Variants in ST6GALNAC3 observed in about 807,000 individuals in gnomAD.
The protein encoded by ST6GALNAC3 is ST6 N-acetylgalactosaminide alpha-2,6-sialyltransferase 3, also known as alpha-N-acetylgalactosaminide alpha-2,6-sialyltransferase 3.
ST6GALNAC3 carries 25 observed loss-of-function variants against 32.7 expected under a neutral mutation model. The ratio of observed to expected loss-of-function variants is 0.76; its 90% CI spans 0.56 to 1.07. The LOEUF is 1.07. ST6GALNAC3 is among the 50% of genes least tolerant of loss of function. ST6GALNAC3 has a pLI of 0.00. For synonymous variants in ST6GALNAC3, 129 were observed against 133.1 expected, an observed-to-expected ratio of 0.97 and a Z score of 0.21; for missense variants, 355 against 382.4, an observed-to-expected ratio of 0.93 and a Z score of 0.60.
intron 1 of ST6GALNAC3, among the ~76,000 whole-genome samples, chr1:76,113,112 G>C (rs1274071444): frequency 6.6e-6 from 1 of 152,142 alleles, no homozygotes; most frequent in Non-Finnish European, 1.5e-5. Context: ...GAGGCTGGCG[G>C]ATCACTCGCG....
intron 1 of ST6GALNAC3, among the ~76,000 whole-genome samples, chr1:76,267,462 G>A (rs1430889761): frequency 2.6e-5 from 4 of 152,120 alleles, no homozygotes; most frequent in African/African-American, 9.7e-5. Context: ...CCAGAACAGA[G>A]CATCTGCAAC....
At chr1:76,165,571 T>A (rs1342647392) in intron 1 of ST6GALNAC3, among the ~76,000 whole-genome samples, 1 of 152,200 alleles carries the variant, frequency 6.6e-6, no homozygotes, top group Admixed American at 6.5e-5. Context: ...GTATTTCTGT[T>A]TTTAGGTCTT....
intron 3 of ST6GALNAC3, among the ~76,000 whole-genome samples, chr1:76,616,482 T>A (rs1648299157): frequency 6.6e-6 from 1 of 152,158 alleles, no homozygotes; most frequent in Non-Finnish European, 1.5e-5. Flanking sequence ...AGCAGATAGC[T>A]CCCCATTTAG....
intron 1 of ST6GALNAC3, among the ~76,000 whole-genome samples, chr1:76,192,585 G>A (rs1653962140): frequency 6.6e-6 from 1 of 152,142 alleles, no homozygotes; most frequent in African/African-American, 2.4e-5. Flanking sequence ...CATTCCGTTG[G>A]GGCCTTGTTT....
intron 1 of ST6GALNAC3, among the ~76,000 whole-genome samples, chr1:76,128,142 A>G (rs1253917954): frequency 1.3e-5 from 2 of 152,250 alleles, no homozygotes; most frequent in Non-Finnish European, 1.5e-5. Context: ...TGCATTGCCT[A>G]TGGGCTTGGA....
chr1:76,416,788 T>C (rs567918423), intron 3 of ST6GALNAC3, among the ~76,000 whole-genome samples: 1 of 151,904 alleles, frequency 6.6e-6, no homozygotes, highest in East Asian at 2.0e-4. Context: ...CCACCATGCC[T>C]GGCTAATTTT....
chr1:76,144,719 T>C (rs1452100783), intron 1 of ST6GALNAC3, among the ~76,000 whole-genome samples: 1 of 152,236 alleles, frequency 6.6e-6, no homozygotes, highest in Non-Finnish European at 1.5e-5. Flanking sequence ...AACTAGTCTA[T>C]AGTTCCTGGT....
At chr1:76,237,254 C>T (rs1656707456) in intron 1 of ST6GALNAC3, among the ~76,000 whole-genome samples, 1 of 152,290 alleles carries the variant, frequency 6.6e-6, no homozygotes, top group South Asian at 2.1e-4. Flanking sequence ...CTGCCTCAGC[C>T]TCCCAGGTAG....
chr1:76,585,748 T>A (rs1646953456), intron 3 of ST6GALNAC3, among the ~76,000 whole-genome samples: 1 of 152,206 alleles, frequency 6.6e-6, no homozygotes, highest in South Asian at 2.1e-4. Context: ...AGCCCTTCCT[T>A]AGAAATACAT....
At chr1:76,447,061 T>G (rs982387387) in intron 3 of ST6GALNAC3, among the ~76,000 whole-genome samples, 2 of 152,088 alleles carry the variant, frequency 1.3e-5, no homozygotes, top group Non-Finnish European at 2.9e-5. Flanking sequence ...GACAGGAAAA[T>G]GTCAGAAAAT....
chr1:76,530,900 G>A (rs931745223), intron 3 of ST6GALNAC3, among the ~76,000 whole-genome samples: 6 of 152,152 alleles, frequency 3.9e-5, no homozygotes, highest in African/African-American at 1.4e-4. Context: ...AGATGGAGCT[G>A]GTCATTAATG....
chr1:76,620,746 C>T (rs1011017186), intron 3 of ST6GALNAC3, among the ~76,000 whole-genome samples: 35 of 152,184 alleles, frequency 2.3e-4, no homozygotes, highest in African/African-American at 7.0e-4. Context: ...CTGGGGACTA[C>T]GGCCTCAACA....
intron 1 of ST6GALNAC3, among the ~76,000 whole-genome samples, chr1:76,190,153 A>G (rs1331657504): frequency 1.3e-5 from 2 of 152,140 alleles, no homozygotes; most frequent in African/African-American, 4.8e-5. Flanking sequence ...CTGTAAAGTA[A>G]TTTATGGTAA....
chr1:76,634,006 G>A lies in ST6GALNAC3; in HGVS notation c.*5200G>A, dbSNP rs636038. 105,707 of 228,214 alleles carry A rather than the reference G, an allele frequency of 0.46. 25,052 individuals are homozygous for A. The highest frequency in any genetic ancestry group is 0.62 in the African/African-American group (26,495 of 42,718). 14.1% of individuals were successfully genotyped at this position (228,214 alleles called of 1,614,324 possible). A position where few individuals can be genotyped will look rare whatever the true frequency, so the allele number is the denominator to read the frequency against. ...CATCGAATCAGAACTGTCCTTGGGC[G>A]TTGTAACAGTGCAGAAAATCTCATT... On this transcript the variant is annotated 3_prime_UTR_variant, in exon 5 of 5. Coordinates refer to ENST00000328299, the MANE Select transcript of ST6GALNAC3 (RefSeq NM_152996.4).
intron 1 of ST6GALNAC3, among the ~76,000 whole-genome samples, chr1:76,296,481 CTCT>C (rs1019727214): frequency 2.2e-4 from 34 of 152,092 alleles, no homozygotes; most frequent in African/African-American, 6.3e-4. Context: ...ATCGACCCTT[CTCT>C]TCTTCTATTC....
intron 3 of ST6GALNAC3, among the ~76,000 whole-genome samples, chr1:76,606,377 A>G (rs1380579390): frequency 2.6e-5 from 4 of 152,216 alleles, no homozygotes; most frequent in Admixed American, 6.5e-5. Flanking sequence ...ATGGAATAGT[A>G]TGAAGCCATA....
At chr1:76,503,220 A>C (rs533226942) in intron 3 of ST6GALNAC3, among the ~76,000 whole-genome samples, 169 of 152,350 alleles carry the variant, frequency 1.1e-3, no homozygotes, top group African/African-American at 3.9e-3. Flanking sequence ...CACCTCTCTC[A>C]GAGCTCACTC....
chr1:76,452,561 T>C (rs1440361733), intron 3 of ST6GALNAC3, among the ~76,000 whole-genome samples: 1 of 146,796 alleles, frequency 6.8e-6, no homozygotes, highest in Non-Finnish European at 1.5e-5. Context: ...TTTAATTCTG[T>C]TTTTGTGGTG....
chr1:76,175,569 G>A (rs1652799772), intron 1 of ST6GALNAC3, among the ~76,000 whole-genome samples: 1 of 150,334 alleles, frequency 6.7e-6, no homozygotes, highest in African/African-American at 2.4e-5. Flanking sequence ...GAACTTGGTT[G>A]AAAGATGAGT....
Sources: gnomAD v4.1 joint callset for allele counts (sites outside exome capture counted in the v4.1 genomes callset) on GRCh38, gnomAD v4.1.1 for gene constraint, MANE v1.5 for transcripts, NCBI Gene and HGNC (gene_info 2026-07-23, HGNC 2026-07-21) for gene names.